MSH6: variants seen among roughly 807,000 people sequenced by gnomAD.
The protein encoded by MSH6 is DNA mismatch repair protein Msh6.
MSH6 carries 85 observed loss-of-function variants against 119.1 expected under a neutral mutation model. That is an observed-to-expected ratio of 0.71 (90% CI 0.60 to 0.85). MSH6 has a LOEUF of 0.85. Among genes scored for constraint, MSH6 ranks in the 40% least tolerant of loss-of-function variants. MSH6 has a pLI of 0.00. For missense variants in MSH6, 2,163 were observed against 1,655.3 expected, an observed-to-expected ratio of 1.31 and a Z score of -5.32; for synonymous variants, 830 against 586.9, an observed-to-expected ratio of 1.41 and a Z score of -5.99.
chr2:47,809,856 A>C, downstream of MSH6: 2 of 568,432 alleles, frequency 3.5e-6, no homozygotes, highest in Admixed American at 3.4e-5. Context: ...ACCTATTTCA[A>C]CCACCAACAG....
downstream of MSH6, chr2:47,809,416 G>A: frequency 1.5e-6 from 1 of 686,382 alleles, no homozygotes; most frequent in East Asian, 2.8e-5. Context: ...AATCAGCTAA[G>A]AATAGAATTT....
chr2:47,803,947 T>G (rs757192808), intron 5 of MSH6, among the ~76,000 whole-genome samples: 1 of 152,234 alleles, frequency 6.6e-6, no homozygotes, highest in Non-Finnish European at 1.5e-5. Context: ...TTGAATTCAT[T>G]TCCTCAGAAG....
At chr2:47,783,766 C>T in intron 1 of MSH6, 1 of 405,140 alleles carries the variant, frequency 2.5e-6, no homozygotes, top group Non-Finnish European at 3.7e-6. Flanking sequence ...AGGGAGGAGA[C>T]GCGTCCCGCC....
At chr2:47,805,183 C>CTTTTTT (rs35781475) in intron 6 of MSH6, among the ~76,000 whole-genome samples, 156 bp downstream of exon 6, 5 of 141,138 alleles carry the variant, frequency 3.5e-5, no homozygotes, top group Non-Finnish European at 3.1e-5. Flanking sequence ...GTCTCTCTCT[C>CTTTTTT]TTTTTTTTTT....
Position 47,800,318 on chromosome 2 carries a change from T to C in MSH6, c.2335T>C (p.Cys779Arg), listed in dbSNP as rs1320505279. Residue 779 changes from cysteine (C) to arginine (R), a missense_variant, in exon 4 of 10, where the codon TGT becomes CGT. Cys to Arg is a radical substitution (Grantham distance 180). Transcript: ENST00000234420. ...FGKRLLKQWL[C>R]APLCNHYAIN... is the part of the protein sequence containing the mutation. ...TAAGCGGCTCCTAAAGCAATGGCTT[T>C]GTGCCCCACTCTGTAACCATTATGC... is the stretch of plus-strand genomic sequence containing the variant. 1.2e-6 allele frequency: 2 copies of C among 1,614,190 alleles called. No homozygotes were observed. Among genetic ancestry groups the C allele is most frequent in the Admixed American group, 3.3e-5 (2 of 60,022 alleles).
downstream of MSH6, chr2:47,809,033 G>C (rs148459669): frequency 2.0e-4 from 121 of 596,018 alleles, no homozygotes; most frequent in African/African-American, 2.1e-3. Flanking sequence ...CAAGTAGATT[G>C]ATGATAAAAT....
intron 3 of MSH6, 41 bp from the exon 4 acceptor site, chr2:47,798,570 A>T (rs1669234184): frequency 1.9e-6 from 3 of 1,599,738 alleles, no homozygotes; most frequent in Non-Finnish European, 2.5e-6. Context: ...TGGTTTTCCA[A>T]ATTTTGATTT....
At chr2:47,796,981 A>T (rs139004894) in intron 3 of MSH6, among the ~76,000 whole-genome samples, 1 of 152,352 alleles carries the variant, frequency 6.6e-6, no homozygotes, top group African/African-American at 2.4e-5. Context: ...ACTGTCAACA[A>T]CAACAAAAAA....
chr2:47,793,734 T>G (rs1166838560), intron 2 of MSH6, among the ~76,000 whole-genome samples: 1 of 151,946 alleles, frequency 6.6e-6, no homozygotes, highest in Non-Finnish European at 1.5e-5. Context: ...TTTGGCAGAA[T>G]TACTTTTTTT....
intron 2 of MSH6, among the ~76,000 whole-genome samples, chr2:47,795,621 A>C (rs3136315): frequency 4.0e-5 from 6 of 149,912 alleles, no homozygotes; most frequent in Non-Finnish European, 8.9e-5. Context: ...GCACACCACC[A>C]CCCTTGGCTA....
chr2:47,783,521 CG>C (rs761234557), intron 1 of MSH6, 28 bp downstream of exon 1: 5 of 1,328,676 alleles, frequency 3.8e-6, no homozygotes, highest in Non-Finnish European at 3.9e-6. Flanking sequence ...GGGTCGAAGG[CG>C]GGGGCATAGC....
rs202219685 is a variant in MSH6 at position 47,799,214 on chromosome 2, A to T, written c.1231A>T (p.Arg411Trp). The stretch of plus-strand genomic sequence containing the variant: ...CCTCAATTCTTGTACTCCTGGGATG[A>T]GGAAGTGGTGGCAGATTAAGTCTCA... ...DFLNSCTPGM[R>W]KWWQIKSQNF... The change falls in exon 4 of 10, where the codon AGG (arginine) becomes TGG (tryptophan). Residue 411 changes from arginine (R) to tryptophan (W), a missense_variant. Coordinates refer to ENST00000234420, the MANE Select transcript of MSH6 (RefSeq NM_000179.3). The T allele has an allele frequency of 5.0e-6, 8 of 1,614,050 alleles. No homozygotes were observed. The highest frequency in any genetic ancestry group is 6.8e-6 in the Non-Finnish European group (8 of 1,180,038).
At chr2:47,788,985 G>A (rs980897893) in intron 1 of MSH6, among the ~76,000 whole-genome samples, 7 of 126,016 alleles carry the variant, frequency 5.6e-5, no homozygotes, top group African/African-American at 2.1e-4. Flanking sequence ...GAATGCAGTG[G>A]CGTTTTCTTG....
In MSH6 at chr2:47,798,967, C is replaced by T. The variant is rs138143769; in HGVS notation, c.984C>T (p.Ser328=). The change falls in exon 4 of 10, where the codon AGC becomes AGT. Residue 328 remains serine (S), a synonymous_variant. Transcript: ENST00000234420. ...CCTCAGCCACCAAACAAGCAACTAG[C>T]ATTTCATCAGAAACCAAGAATACTT... is the stretch of plus-strand genomic sequence containing the variant. ...ETPSATKQAT[S]ISSETKNTLR... is the part of the protein sequence containing the mutation. 300 of 1,614,212 alleles carry T rather than the reference C, an allele frequency of 1.9e-4. 1 individual carries two copies. The African/African-American group carries it at 2.6e-3, about 14-fold the overall frequency.
chr2:47,800,888 T>C lies in MSH6; in HGVS notation c.2905T>C (p.Tyr969His), dbSNP rs1348956744. Reference protein sequence around the residue: ...RNRIGCRTIVYWGIGRNRYQL... With the variant: ...RNRIGCRTIVHWGIGRNRYQL... ...CAGAATTGGCTGTAGGACCATAGTCTATTGGGGGATTGGTAGGAACCGTTA... is the reference window on the plus strand; with the variant it reads ...CAGAATTGGCTGTAGGACCATAGTCCATTGGGGGATTGGTAGGAACCGTTA... The change falls in exon 4 of 10, where the codon TAT becomes CAT. Residue 969 changes from tyrosine (Y) to histidine (H), a missense_variant. Tyr to His is a moderately conservative substitution (Grantham distance 83). Coordinates refer to ENST00000234420, the MANE Select transcript of MSH6 (RefSeq NM_000179.3). 1 of 1,605,078 alleles carries C rather than the reference T, an allele frequency of 6.2e-7. No individual in the cohort carries two copies. Among genetic ancestry groups the C allele is most frequent in the South Asian group, 1.1e-5 (1 of 89,402 alleles).
At chr2:47,808,881 G>A, downstream of MSH6, 1 of 309,420 alleles carries the variant, frequency 3.2e-6, no homozygotes, top group Non-Finnish European at 5.9e-6. Flanking sequence ...TTGTTTTGTA[G>A]AGACAGGGTC....
chr2:47,798,808 T>C lies in MSH6; in HGVS notation c.825T>C (p.Ser275=). 1 of 1,614,020 alleles carries C rather than the reference T, an allele frequency of 6.2e-7. No homozygotes were observed. Among genetic ancestry groups the C allele is most frequent in the South Asian group, 1.1e-5 (1 of 91,084 alleles). ...CAGACACTAAGGAGGAAGGAAGCAG[T>C]GATGAAATAAGCAGTGGAGTGGGGG... is the stretch of plus-strand genomic sequence containing the variant. ...FKPDTKEEGS[S]DEISSGVGDS... Residue 275 remains serine (S), a synonymous_variant, in exon 4 of 10, where the codon AGT becomes AGC. Coordinates refer to ENST00000234420, the MANE Select transcript of MSH6 (RefSeq NM_000179.3).
intron 4 of MSH6, chr2:47,801,399 T>G (rs552876828): frequency 2.0e-4 from 76 of 380,496 alleles, no homozygotes; most frequent in African/African-American, 1.7e-3. Context: ...GACATGGTCT[T>G]GCTCTGTTGC....
chr2:47,796,896 G>A (rs541283191), intron 3 of MSH6, among the ~76,000 whole-genome samples: 15 of 152,232 alleles, frequency 9.9e-5, no homozygotes, highest in South Asian at 2.1e-4. Context: ...GGGAGGCAGA[G>A]GGACTTGGGA....
Sources: allele counts gnomAD v4.1 joint callset (sites outside exome capture counted in the v4.1 genomes callset), GRCh38; gene constraint gnomAD v4.1.1; transcripts MANE v1.5; gene names NCBI Gene and HGNC (gene_info 2026-07-23, HGNC 2026-07-21).